MR1: variants seen among roughly 807,000 people sequenced by gnomAD.
MR1 encodes major histocompatibility complex class I-related protein 1.
MR1 carries 44 observed loss-of-function variants against 37.8 expected under a neutral mutation model. The observed-to-expected ratio is 1.16, with a 90% confidence interval of 0.91 to 1.50. The LOEUF is 1.50. MR1 is among the 40% of genes most tolerant of loss of function. The pLI is 0.00. For synonymous variants in MR1, 153 were observed against 155.8 expected, an observed-to-expected ratio of 0.98 and a Z score of 0.13; for missense variants, 386 against 419.1, an observed-to-expected ratio of 0.92 and a Z score of 0.69.
At chr1:181,051,487 G>A (rs1006839386) in intron 3 of MR1, among the ~76,000 whole-genome samples, 1 of 152,080 alleles carries the variant, frequency 6.6e-6, no homozygotes. Flanking sequence ...ATAAGGTGGG[G>A]GTCAGGAGGC....
intron 1 of MR1, among the ~76,000 whole-genome samples, chr1:181,036,142 C>A (rs997024752): frequency 6.6e-6 from 1 of 152,124 alleles, no homozygotes; most frequent in South Asian, 2.1e-4. Context: ...TTGGCAGTAG[C>A]TATGTTCTTC....
In MR1 at chr1:181,050,227, A is replaced by G; in HGVS notation, c.545A>G (p.Glu182Gly). The change falls in exon 3 of 6, where the codon GAA becomes GGA. Residue 182 changes from glutamate to glycine, a missense_variant. Physicochemically the swap from Glu to Gly is moderately conservative, Grantham distance 98. Coordinates refer to ENST00000367580, the MANE Select transcript of MR1 (RefSeq NM_001385161.1). The stretch of plus-strand genomic sequence containing the variant: ...TATCAAAAGAATTGGCTGGAAGAAG[A>G]ATGTATTGCCTGGCTAAAGAGATTC... ...LLYQKNWLEE[E>G]CIAWLKRFLE... 3 of 1,614,222 alleles carry G rather than the reference A, an allele frequency of 1.9e-6. No individual in the cohort carries two copies. Among genetic ancestry groups the G allele is most frequent in the Non-Finnish European group, 2.5e-6 (3 of 1,180,008 alleles).
At chr1:181,046,983 C>T (rs1657915470) in intron 1 of MR1, among the ~76,000 whole-genome samples, 1 of 152,150 alleles carries the variant, frequency 6.6e-6, no homozygotes, top group African/African-American at 2.4e-5. Flanking sequence ...TCCAGACGCG[C>T]CACCTTAAGA....
rs1396923064 is a variant in MR1, at chr1:181,058,355, T to A, written c.*3090T>A. ...CTGTATTTATTACCTGTTTTTGTTT[T>A]TTTTGTTTGTTTGTTTTTGATGTGC... On this transcript the variant is annotated 3_prime_UTR_variant, in exon 6 of 6. Transcript: ENST00000367580. The A allele has an allele frequency of 1.4e-5, 2 of 145,368 alleles. No individual in the cohort carries two copies. Among genetic ancestry groups the A allele is most frequent in the Non-Finnish European group, 2.9e-5 (2 of 67,952 alleles). 9.0% of individuals were successfully genotyped at this position (145,368 alleles called of 1,614,324 possible). A position where few individuals can be genotyped will look rare whatever the true frequency, so the allele number is the denominator to read the frequency against.
intron 1 of MR1, among the ~76,000 whole-genome samples, chr1:181,046,091 GC>G (rs889341604): frequency 1.8e-4 from 28 of 152,358 alleles, no homozygotes; most frequent in African/African-American, 6.5e-4. Context: ...GGGACCTGCA[GC>G]CCGCCATGCC....
intron 1 of MR1, among the ~76,000 whole-genome samples, chr1:181,035,118 T>C (rs1000559080): frequency 1.3e-5 from 2 of 152,078 alleles, no homozygotes; most frequent in Admixed American, 6.6e-5. Context: ...TTGGCCATCA[T>C]AGTGAAACCC....
chr1:181,051,325 G>A (rs964986579), intron 3 of MR1: 7 of 151,906 alleles, frequency 4.6e-5, no homozygotes, highest in African/African-American at 1.7e-4. Flanking sequence ...TTTCTTACAG[G>A]CCCTATCAAA....
rs773031436 is a variant in MR1 at position 181,034,044 on chromosome 1, A to G, written c.37A>G (p.Ile13Val). Residue 13 changes from isoleucine to valine, a missense_variant, in exon 1 of 6, where the codon ATT becomes GTT. Transcript: ENST00000367580. ...GATGGCGTTCCTGTTACCTCTCATC[A>G]TTGTGTTAATGGTGAAGCACAGCGA... ...ELMAFLLPLI[I>V]VLMVKHSDSR... 33 of 1,613,200 alleles carry G rather than the reference A, an allele frequency of 2.0e-5. No homozygotes were observed. Among genetic ancestry groups the G allele is most frequent in the Non-Finnish European group, 2.8e-5 (33 of 1,179,754 alleles).
chr1:181,049,154 C>T lies in MR1; in HGVS notation c.170C>T (p.Thr57Ile), dbSNP rs1658131416. ...TACGTGGACTCGCACCCTATCACCA[C>T]ATATGACAGTGTCACTCGGCAGAAG... is the stretch of plus-strand genomic sequence containing the variant. ...VGYVDSHPIT[T>I]YDSVTRQKEP... Residue 57 changes from threonine to isoleucine, a missense_variant, in exon 2 of 6, where the codon ACA becomes ATA. Thr to Ile is a moderately conservative substitution (Grantham distance 89). Coordinates refer to ENST00000367580, the MANE Select transcript of MR1 (RefSeq NM_001385161.1). 6.2e-7 allele frequency: 1 copy of T among 1,614,098 alleles called. No homozygotes were observed. Among genetic ancestry groups the T allele is most frequent in the Non-Finnish European group, 8.5e-7 (1 of 1,180,044 alleles).
intron 1 of MR1, among the ~76,000 whole-genome samples, chr1:181,038,623 G>A (rs1050473777): frequency 6.6e-6 from 1 of 152,128 alleles, no homozygotes; most frequent in African/African-American, 2.4e-5. Context: ...AAGGGGGCAG[G>A]AGAGAGCAGT....
intron 3 of MR1, chr1:181,051,123 T>C (rs1658294538): frequency 6.6e-6 from 1 of 152,108 alleles, no homozygotes; most frequent in Non-Finnish European, 1.5e-5. Context: ...ATCACACCTG[T>C]ATGATGCTAC....
intron 5 of MR1, among the ~76,000 whole-genome samples, chr1:181,053,932 C>A (rs893034712): frequency 3.9e-5 from 6 of 152,158 alleles, no homozygotes; most frequent in African/African-American, 1.2e-4. Flanking sequence ...GGGGAACTGT[C>A]CCCCTAGAAG....
intron 5 of MR1, among the ~76,000 whole-genome samples, chr1:181,054,539 C>A (rs1334729389): frequency 1.3e-5 from 2 of 152,116 alleles, no homozygotes; most frequent in Non-Finnish European, 1.5e-5. Flanking sequence ...CAAAGTAAAA[C>A]CAACCCTTTT....
chr1:181,046,219 C>G (rs533798288), intron 1 of MR1, among the ~76,000 whole-genome samples: 20 of 152,228 alleles, frequency 1.3e-4, no homozygotes, highest in African/African-American at 4.3e-4. Flanking sequence ...TGCGGGCGCA[C>G]GGCGCGGGAA....
At chr1:181,052,582 GC>G in intron 4 of MR1, 72 bp downstream of exon 4, 1 of 1,500,936 alleles carries the variant, frequency 6.7e-7, no homozygotes, top group Non-Finnish European at 9.1e-7. Context: ...CATGCTCGCT[GC>G]CAGGGAGGGG....
At chr1:181,049,456 G>A in intron 2 of MR1, 144 bp downstream of exon 2, 1 of 977,886 alleles carries the variant, frequency 1.0e-6, no homozygotes, top group East Asian at 2.6e-5. Flanking sequence ...GGAGTTCAGG[G>A]CCTCCCATCT....
intron 5 of MR1, 29 bp downstream of exon 5, chr1:181,053,706 G>T (rs374617057): frequency 2.8e-6 from 4 of 1,454,522 alleles, no homozygotes; most frequent in Non-Finnish European, 3.9e-6. Flanking sequence ...GGATCCAGGG[G>T]GCTGCAGACT....
Position 181,052,254 on chromosome 1 carries a change from A to C in MR1, c.624A>C (p.Val208=). 6.2e-7 allele frequency: 1 copy of C among 1,614,206 alleles called. No individual in the cohort carries two copies. The highest frequency in any genetic ancestry group is 8.5e-7 in the Non-Finnish European group (1 of 1,180,024). The change falls in exon 4 of 6, where the codon GTA becomes GTC. Residue 208 remains valine (V), a synonymous_variant. Coordinates refer to ENST00000367580, the MANE Select transcript of MR1 (RefSeq NM_001385161.1). ...TCCTAGAGCCCCCACTGGTCAGAGT[A>C]AATCGCAAAGAAACTTTTCCAGGGG... is the stretch of plus-strand genomic sequence containing the variant. ...LQRTEPPLVR[V]NRKETFPGVT... is the part of the protein sequence containing the mutation.
intron 2 of MR1, chr1:181,049,688 G>A (rs546054744): frequency 6.3e-6 from 3 of 477,808 alleles, no homozygotes; most frequent in Non-Finnish European, 1.1e-5. Context: ...TTTCCCAGGG[G>A]TATTTCTGGC....
Sources: allele counts gnomAD v4.1 joint callset (sites outside exome capture counted in the v4.1 genomes callset), GRCh38; gene constraint gnomAD v4.1.1; transcripts MANE v1.5; gene names NCBI Gene and HGNC (gene_info 2026-07-23, HGNC 2026-07-21).